PTK2: variants seen among roughly 807,000 people sequenced by gnomAD.
PTK2 encodes the protein focal adhesion kinase 1.
PTK2 carries 45 observed loss-of-function variants against 150.1 expected under a neutral mutation model. The observed-to-expected ratio is 0.30, with a 90% CI of 0.24 to 0.38. PTK2 has a LOEUF of 0.38. Ranked by LOEUF, PTK2 falls within the 10% of genes least tolerant of loss-of-function variation. The pLI, the probability that PTK2 is intolerant of heterozygous loss-of-function variation, is 1.00. For missense variants in PTK2, 919 were observed against 1,307.3 expected (o/e 0.70, Z 4.58); for synonymous variants, 432 against 449.2 (o/e 0.96, Z 0.48).
chr8:140,966,264 T>C (rs559162578), intron 1 of PTK2, among the ~76,000 whole-genome samples: 9 of 152,382 alleles, frequency 5.9e-5, no homozygotes, highest in African/African-American at 1.9e-4. Context: ...ATTTATATGA[T>C]GCATGAATGA....
intron 2 of PTK2, among the ~76,000 whole-genome samples, chr8:140,922,085 G>A (rs549661002): frequency 1.3e-5 from 2 of 152,250 alleles, no homozygotes; most frequent in East Asian, 3.9e-4. Context: ...GAAAATGACC[G>A]AGGCTTTGTT....
chr8:140,929,343 T>C (rs1603328331), intron 1 of PTK2, among the ~76,000 whole-genome samples: 1 of 152,164 alleles, frequency 6.6e-6, no homozygotes, highest in East Asian at 1.9e-4. Flanking sequence ...AATCTGCAAA[T>C]ATAATTATGT....
chr8:140,884,166 G>A (rs544815413), intron 3 of PTK2, among the ~76,000 whole-genome samples: 1 of 152,212 alleles, frequency 6.6e-6, no homozygotes, highest in South Asian at 2.1e-4. Context: ...ATCTGCACAG[G>A]TTCTGGGGAT....
intron 14 of PTK2, among the ~76,000 whole-genome samples, chr8:140,776,989 A>G (rs1340234132): frequency 2.6e-5 from 4 of 152,230 alleles, no homozygotes; most frequent in South Asian, 2.1e-4. Context: ...CTGAATCGCA[A>G]TAACTCACAT....
At chr8:140,926,891 C>T (rs573720807) in intron 1 of PTK2, among the ~76,000 whole-genome samples, 1 of 152,274 alleles carries the variant, frequency 6.6e-6, no homozygotes, top group Admixed American at 6.5e-5. Context: ...CCTTATTAAT[C>T]TAAGTAGTAT....
intron 10 of PTK2, among the ~76,000 whole-genome samples, chr8:140,815,345 A>T (rs2100104085): frequency 6.6e-6 from 1 of 152,154 alleles, no homozygotes; most frequent in Non-Finnish European, 1.5e-5. Flanking sequence ...GCTCCCACTT[A>T]TAAGGGAAGC....
intron 1 of PTK2, among the ~76,000 whole-genome samples, chr8:141,000,598 G>C (rs2100199780): frequency 6.6e-6 from 1 of 151,236 alleles, no homozygotes; most frequent in Admixed American, 6.6e-5. Context: ...CGCCCTGCGC[G>C]CCCCCAGAGC....
At chr8:140,946,461 T>C (rs2100177739) in intron 1 of PTK2, among the ~76,000 whole-genome samples, 1 of 152,170 alleles carries the variant, frequency 6.6e-6, no homozygotes, top group Non-Finnish European at 1.5e-5. Context: ...AGTATATAAC[T>C]TTTTCTAAAA....
chr8:140,927,582 A>G (rs938393008), intron 1 of PTK2, among the ~76,000 whole-genome samples: 1 of 152,152 alleles, frequency 6.6e-6, no homozygotes, highest in Non-Finnish European at 1.5e-5. Flanking sequence ...TTCTCAGCTA[A>G]AAGTGAAAAA....
intron 14 of PTK2, among the ~76,000 whole-genome samples, chr8:140,766,486 C>A (rs534448330): frequency 6.6e-6 from 1 of 152,182 alleles, no homozygotes; most frequent in South Asian, 2.1e-4. Flanking sequence ...TCCTCATTAC[C>A]TATAACAACC....
chr8:140,986,042 A>G (rs2100193120), intron 1 of PTK2, among the ~76,000 whole-genome samples: 1 of 152,200 alleles, frequency 6.6e-6, no homozygotes, highest in South Asian at 2.1e-4. Context: ...AGATCCACGT[A>G]CCAGTGCAAG....
chr8:140,970,186 C>A (rs1051365422), intron 1 of PTK2, among the ~76,000 whole-genome samples: 1 of 152,262 alleles, frequency 6.6e-6, no homozygotes, highest in Non-Finnish European at 1.5e-5. Flanking sequence ...ACACTGTGAA[C>A]AGCTGCTTCC....
At chr8:140,818,788 A>G in intron 9 of PTK2, 92 bp downstream of exon 9, 5 of 1,356,650 alleles carry the variant, frequency 3.7e-6, no homozygotes, top group Non-Finnish European at 5.0e-6. Flanking sequence ...GGGACAAGTT[A>G]GCATTTTTTC....
chr8:140,741,709 C>T (rs1283862868), intron 20 of PTK2, among the ~76,000 whole-genome samples: 1 of 152,036 alleles, frequency 6.6e-6, no homozygotes, highest in African/African-American at 2.4e-5. Context: ...TTATCTAAAC[C>T]TTAGCTAAAG....
chr8:140,846,103 T>C lies in PTK2; in HGVS notation c.593+157A>G, dbSNP rs554376791. On this transcript the variant is annotated intron_variant, in intron 7 of 31. Transcript: ENST00000522684. ...ATCTATCAACAAATCTAAATGTTTA[T>C]TAACACAATTAATGTCATCAAGGAT... is the stretch of plus-strand genomic sequence containing the variant. Among the ~76,000 whole-genome samples, 5 of 152,328 alleles carry C rather than the reference T, an allele frequency of 3.3e-5. No homozygotes were observed. The South Asian group carries it at 1.0e-3, about 32-fold the overall frequency.
intron 5 of PTK2, among the ~76,000 whole-genome samples, chr8:140,852,916 G>A (rs2100130223): frequency 6.6e-6 from 1 of 152,202 alleles, no homozygotes; most frequent in African/African-American, 2.4e-5. Flanking sequence ...CCCCTGAAAT[G>A]TTCTGTCTGA....
At chr8:140,704,174 G>C (rs1474377290) in intron 24 of PTK2, among the ~76,000 whole-genome samples, 1 of 152,164 alleles carries the variant, frequency 6.6e-6, no homozygotes, top group Non-Finnish European at 1.5e-5. Flanking sequence ...CAACAAGGAG[G>C]TTTAAAATGG....
In PTK2 at chr8:140,786,507, T is replaced by C. The variant is rs113207956; in HGVS notation, c.1177+2967A>G. Among the ~76,000 whole-genome samples the C allele has an allele frequency of 3.9e-3, 592 of 152,294 alleles. 1 individual carries two copies. Among genetic ancestry groups the C allele is most frequent in the South Asian group, 0.014 (68 of 4,828 alleles). On this transcript the variant is annotated intron_variant, in intron 14 of 31. Transcript: ENST00000522684. The stretch of plus-strand genomic sequence containing the variant: ...TCTGGGGCTAAGTGCAATGTACTGG[T>C]TCCTGGCCAGCTAGGCTTATCAGTT...
In PTK2 at chr8:140,732,656, T is replaced by C. The variant is rs761551667; in HGVS notation, c.2030+2595A>G. ...GTGAGCTCCTCGAGGGCAGGAAAAG[T>C]GTTTTAGTCATCTTTGCCCCAGTGA... On this transcript the variant is annotated intron_variant, in intron 22 of 31. Transcript: ENST00000522684. 1.0e-5 allele frequency: 5 copies of C among 477,672 alleles called. No individual in the cohort carries two copies. In the East Asian group the frequency reaches 1.9e-4, roughly 18 times the overall value. The allele number at this position is 477,672 out of a possible 1,614,324, so 29.6% of individuals were successfully genotyped here.
Sources: allele counts gnomAD v4.1 joint callset (sites outside exome capture counted in the v4.1 genomes callset), GRCh38; gene constraint gnomAD v4.1.1; transcripts MANE v1.5; gene names NCBI Gene and HGNC (gene_info 2026-07-23, HGNC 2026-07-21).